REDIC1: variants seen among roughly 807,000 people sequenced by gnomAD.
The protein encoded by REDIC1 is HEI10 Interacting Protein 1.
the REDIC1 span, among the ~76,000 whole-genome samples, chr12:39,780,287 C>T: frequency 6.6e-6 from 1 of 152,182 alleles, no homozygotes; most frequent in African/African-American, 2.4e-5. Flanking sequence ...GTCTCTTTCT[C>T]CTTCAACATA....
chr12:39,890,234 T>A, the REDIC1 span, among the ~76,000 whole-genome samples: 1 of 152,160 alleles, frequency 6.6e-6, no homozygotes, highest in Non-Finnish European at 1.5e-5. Flanking sequence ...TTTGTTTACC[T>A]TAAAGAAATA....
the REDIC1 span, among the ~76,000 whole-genome samples, chr12:39,889,613 A>G: frequency 4.0e-5 from 6 of 149,392 alleles, no homozygotes; most frequent in African/African-American, 1.2e-4. Flanking sequence ...GCACACCACA[A>G]CCTCTGCCTC....
the REDIC1 span, among the ~76,000 whole-genome samples, chr12:39,875,376 C>T: frequency 6.6e-6 from 1 of 152,298 alleles, no homozygotes; most frequent in East Asian, 1.9e-4. Flanking sequence ...GCTTTGCCTC[C>T]CTTGTGACTA....
the REDIC1 span, among the ~76,000 whole-genome samples, chr12:39,896,185 T>C: frequency 3.4e-5 from 5 of 148,872 alleles, no homozygotes; most frequent in African/African-American, 9.8e-5. Flanking sequence ...TATGTATATA[T>C]GTATATATGT....
At chr12:39,758,913 AG>A in the REDIC1 span, 2 of 152,158 alleles carry the variant, frequency 1.3e-5, no homozygotes, top group Non-Finnish European at 2.9e-5. Context: ...CATTTCCCTT[AG>A]GAAGAGCTAA....
chr12:39,675,858 G>T, the REDIC1 span, among the ~76,000 whole-genome samples: 2 of 152,114 alleles, frequency 1.3e-5, no homozygotes, highest in Non-Finnish European at 2.9e-5. Context: ...CCCAATCACT[G>T]CAGTCTGGCT....
chr12:39,703,872 T>C, the REDIC1 span, among the ~76,000 whole-genome samples: 1 of 152,152 alleles, frequency 6.6e-6, no homozygotes, highest in Non-Finnish European at 1.5e-5. Context: ...TGGCTAGCCA[T>C]ATGTAGAAAG....
chr12:39,861,683 T>C, the REDIC1 span, among the ~76,000 whole-genome samples: 1 of 152,156 alleles, frequency 6.6e-6, no homozygotes, highest in African/African-American at 2.4e-5. Context: ...AAAAGAAATA[T>C]GTGTGTGAAC....
At chr12:39,796,053 C>T in the REDIC1 span, among the ~76,000 whole-genome samples, 1 of 152,176 alleles carries the variant, frequency 6.6e-6, no homozygotes, top group African/African-American at 2.4e-5. Flanking sequence ...CTTCTCCCCC[C>T]AGCCTCTGGC....
At chr12:39,751,209 T>G in the REDIC1 span, among the ~76,000 whole-genome samples, 83 of 152,240 alleles carry the variant, frequency 5.5e-4, no homozygotes, top group African/African-American at 1.9e-3. Flanking sequence ...CTCCAACAAA[T>G]TTACAAGGAA....
chr12:39,722,744 A>G, the REDIC1 span, among the ~76,000 whole-genome samples: 4 of 152,168 alleles, frequency 2.6e-5, no homozygotes, highest in African/African-American at 9.6e-5. Context: ...AAAAAAATGC[A>G]GTGACCACTT....
chr12:39,700,505 A>G, the REDIC1 span, among the ~76,000 whole-genome samples: 1 of 152,178 alleles, frequency 6.6e-6, no homozygotes. Flanking sequence ...AAGTTGGAAA[A>G]CACTCCGCAG....
the REDIC1 span, chr12:39,754,970 A>G: frequency 6.6e-6 from 1 of 152,158 alleles, no homozygotes; most frequent in Non-Finnish European, 1.5e-5. Flanking sequence ...ACTATCATCT[A>G]ACCTACATCC....
the REDIC1 span, chr12:39,829,594 G>A: frequency 6.3e-6 from 1 of 158,292 alleles, no homozygotes; most frequent in African/African-American, 2.4e-5. Flanking sequence ...TTGTATTTTT[G>A]TAGAGGTGGG....
the REDIC1 span, among the ~76,000 whole-genome samples, chr12:39,700,112 A>G: frequency 6.6e-6 from 1 of 152,222 alleles, no homozygotes; most frequent in East Asian, 1.9e-4. Context: ...GAGCTGAGAG[A>G]AGAAGGCTTC....
chr12:39,659,689 A>ATGATATGTTTGATAT, the REDIC1 span, among the ~76,000 whole-genome samples: 1 of 35,850 alleles, frequency 2.8e-5, no homozygotes, highest in African/African-American at 1.6e-4. Context: ...AGTTATGATA[A>ATGATATGTTTGATAT]CTTTTAATGT....
At chr12:39,692,345 C>G in the REDIC1 span, among the ~76,000 whole-genome samples, 2 of 151,746 alleles carry the variant, frequency 1.3e-5, no homozygotes, top group Non-Finnish European at 3.0e-5. Flanking sequence ...ACAGATAACC[C>G]TCATACTCCC....
the REDIC1 span, among the ~76,000 whole-genome samples, chr12:39,656,076 CTTTGA>C: frequency 6.6e-6 from 1 of 151,826 alleles, no homozygotes; most frequent in Non-Finnish European, 1.5e-5. Flanking sequence ...GTATTCTTGA[CTTTGA>C]TTTGGTAAAA....
chr12:39,805,558 C>T, the REDIC1 span, among the ~76,000 whole-genome samples: 3 of 151,482 alleles, frequency 2.0e-5, no homozygotes, highest in East Asian at 1.9e-4. Context: ...AGGCCTGAAA[C>T]AGTGTATTTA....
Sources: allele counts gnomAD v4.1 joint callset (sites outside exome capture counted in the v4.1 genomes callset), GRCh38; gene constraint gnomAD v4.1.1; transcripts MANE v1.5; gene names NCBI Gene and HGNC (gene_info 2026-07-23, HGNC 2026-07-21).